Variants in SLC1A2 observed in about 807,000 individuals in gnomAD.
SLC1A2 encodes excitatory amino acid transporter 2.
Under a neutral mutation model 48.8 loss-of-function variants are expected in SLC1A2, and 15 were observed. That is an observed-to-expected ratio of 0.31 (90% CI 0.21 to 0.47). SLC1A2 has a LOEUF of 0.47. Ranked by LOEUF, SLC1A2 falls within the 20% of genes least tolerant of loss-of-function variation. The probability of loss-of-function intolerance (pLI) is 0.99; values close to 1 mark genes in which losing one functional copy is unlikely to be tolerated. For missense variants in SLC1A2, 502 were observed against 730.5 expected, an observed-to-expected ratio of 0.69 and a Z score of 3.61; for synonymous variants, 279 against 272.6, an observed-to-expected ratio of 1.02 and a Z score of -0.23.
At chr11:35,273,149 T>C (rs1336731985) in intron 9 of SLC1A2, among the ~76,000 whole-genome samples, 1 of 152,122 alleles carries the variant, frequency 6.6e-6, no homozygotes, top group Non-Finnish European at 1.5e-5. Flanking sequence ...AACTTAATAT[T>C]GATAGAAACA....
intron 6 of SLC1A2, among the ~76,000 whole-genome samples, chr11:35,295,612 C>T (rs1851145211): frequency 6.6e-6 from 1 of 151,192 alleles, no homozygotes; most frequent in Non-Finnish European, 1.5e-5. Context: ...CCATTTTCCA[C>T]ATGAGAAGGA....
At chr11:35,387,463 C>A (rs769772775) in intron 1 of SLC1A2, among the ~76,000 whole-genome samples, 4 of 152,156 alleles carry the variant, frequency 2.6e-5, no homozygotes, top group Non-Finnish European at 4.4e-5. Context: ...CTACAGAAGC[C>A]ATATTACCTT....
At chr11:35,298,237 A>G (rs1456203027) in intron 6 of SLC1A2, 1 of 152,374 alleles carries the variant, frequency 6.6e-6, no homozygotes, top group Non-Finnish European at 1.5e-5. Context: ...TTATTTAATA[A>G]TAATTGTTTC....
chr11:35,301,368 A>C, intron 6 of SLC1A2, 151 bp downstream of exon 6: 1 of 667,078 alleles, frequency 1.5e-6, no homozygotes, highest in South Asian at 2.1e-5. Flanking sequence ...AAGCTCCAAA[A>C]AAGATATTTT....
intron 1 of SLC1A2, chr11:35,371,195 C>G (rs571689887): frequency 6.6e-5 from 26 of 395,176 alleles, no homozygotes; most frequent in African/African-American, 5.4e-4. Flanking sequence ...TGAATGCAAG[C>G]CCCATTTCCT....
At position 35,395,756 on chromosome 11, in the gene SLC1A2, G is replaced by A. The variant is rs1401697599; in HGVS notation, c.17+23194C>T. 2.2e-4 allele frequency among the ~76,000 whole-genome samples: 31 copies of A among 142,744 alleles called. 1 individual carries two copies. The South Asian group carries it at 3.0e-3, about 14-fold the overall frequency. 93.6% of individuals were successfully genotyped at this position (142,744 alleles called of 152,430 possible). On this transcript the variant is annotated intron_variant, in intron 1 of 10. Coordinates refer to ENST00000278379, the MANE Select transcript of SLC1A2 (RefSeq NM_004171.4). ...TTAGTTACATATGTATACATGTGCC[G>A]TGCTGGTGCGCTGCACCCACTAACT...
At chr11:35,375,174 A>G (rs1416981176) in intron 1 of SLC1A2, among the ~76,000 whole-genome samples, 2 of 152,188 alleles carry the variant, frequency 1.3e-5, no homozygotes. Flanking sequence ...AATAAAAATA[A>G]TAAAGTAGTG....
intron 1 of SLC1A2, among the ~76,000 whole-genome samples, chr11:35,401,254 A>C (rs563937783): frequency 2.4e-4 from 36 of 152,214 alleles, no homozygotes; most frequent in Non-Finnish European, 4.6e-4. Context: ...GGATCAGAAA[A>C]AAAGACCTGG....
At chr11:35,315,415 G>C (rs1591464125) in intron 2 of SLC1A2, 4 of 364,576 alleles carry the variant, frequency 1.1e-5, no homozygotes, top group Middle Eastern at 8.4e-4. Flanking sequence ...AGAACTCAAG[G>C]CTTTATGAAA....
At chr11:35,307,769 C>T (rs1244005235) in intron 4 of SLC1A2, among the ~76,000 whole-genome samples, 12 of 152,182 alleles carry the variant, frequency 7.9e-5, no homozygotes, top group Admixed American at 7.9e-4. Context: ...TGTGCTGGTT[C>T]CCATAGGAAG....
At chr11:35,277,498 T>C (rs1457676394) in intron 9 of SLC1A2, among the ~76,000 whole-genome samples, 1 of 152,220 alleles carries the variant, frequency 6.6e-6, no homozygotes, top group Non-Finnish European at 1.5e-5. Flanking sequence ...CTCCTGATCA[T>C]ATTAGTGCAT....
At position 35,388,466 on chromosome 11, in the gene SLC1A2, C is replaced by T. The variant is rs185651858; in HGVS notation, c.17+30484G>A. Among the ~76,000 whole-genome samples, 4 of 152,342 alleles carry T rather than the reference C, an allele frequency of 2.6e-5. No individual in the cohort carries two copies. The East Asian group carries it at 7.7e-4, about 29-fold the overall frequency. ...CTGGAGTACAGTGGTGTGATCACAG[C>T]TCACTGCAACCTTGACCTCCCAGGC... On this transcript the variant is annotated intron_variant, in intron 1 of 10. Transcript: ENST00000278379.
intron 6 of SLC1A2, among the ~76,000 whole-genome samples, chr11:35,300,044 A>G (rs1029369864): frequency 6.6e-5 from 10 of 152,220 alleles, no homozygotes; most frequent in Non-Finnish European, 8.8e-5. Context: ...AAAGTTTCCA[A>G]TGATTGAAGA....
At chr11:35,276,244 T>C (rs7125980) in intron 9 of SLC1A2, among the ~76,000 whole-genome samples, 3,867 of 152,178 alleles carry the variant, frequency 0.025, 163 homozygotes, top group African/African-American at 0.088. Context: ...CAAGGTCCTT[T>C]AGATAGTAAG....
At position 35,265,596 on chromosome 11, in the gene SLC1A2, G is replaced by A. The variant is rs1565200288; in HGVS notation, c.1584C>T (p.Asn528=). 1.2e-6 allele frequency: 2 copies of A among 1,612,682 alleles called. No individual in the cohort carries two copies. The highest frequency in any genetic ancestry group is 1.7e-6 in the Non-Finnish European group (2 of 1,178,722). Residue 528 remains asparagine, a synonymous_variant, in exon 10 of 11, where the codon AAC becomes AAT. Transcript: ENST00000278379. ...ATTGATTAGAGTTGCTTTCCCTGTG[G>A]TTCTTCATGTCATCATAAATGGATT... is the stretch of plus-strand genomic sequence containing the variant. The part of the protein sequence containing the change: ...KTQSIYDDMK[N]HRESNSNQCV...
intron 10 of SLC1A2, among the ~76,000 whole-genome samples, chr11:35,262,315 G>A (rs963232333): frequency 1.3e-5 from 2 of 152,214 alleles, no homozygotes; most frequent in African/African-American, 4.8e-5. Flanking sequence ...AGCACTTGGG[G>A]GGAAGTGTTT....
chr11:35,295,627 G>A lies in SLC1A2; in HGVS notation c.858-3107C>T, dbSNP rs183378941. Reference sequence around the variant, plus strand: ...CCATTTTCCACATGAGAAGGACATGGCTGGAGAGCCTGGGGAGAGGGAATG... The same window carrying A: ...CCATTTTCCACATGAGAAGGACATGACTGGAGAGCCTGGGGAGAGGGAATG... On this transcript the variant is annotated intron_variant, in intron 6 of 10. Transcript: ENST00000278379. Among the ~76,000 whole-genome samples the A allele has an allele frequency of 2.4e-3, 359 of 147,972 alleles. 2 individuals are homozygous for A. Among genetic ancestry groups the A allele is most frequent in the Admixed American group, 8.4e-3 (128 of 15,238 alleles).
chr11:35,418,735 A>C (rs1033348972), intron 1 of SLC1A2: 32 of 567,904 alleles, frequency 5.6e-5, no homozygotes, highest in African/African-American at 1.9e-5. Context: ...AAAATAAAAC[A>C]ACCCTCCACC....
At chr11:35,359,925 CTT>C (rs1300269519) in intron 1 of SLC1A2, 1 of 185,170 alleles carries the variant, frequency 5.4e-6, no homozygotes, top group African/African-American at 2.4e-5. Context: ...TCATGAGTGT[CTT>C]ATAATAACCT....
Sources: gnomAD v4.1 joint callset for allele counts (sites outside exome capture counted in the v4.1 genomes callset) on GRCh38, gnomAD v4.1.1 for gene constraint, MANE v1.5 for transcripts, NCBI Gene and HGNC (gene_info 2026-07-23, HGNC 2026-07-21) for gene names.